Variants in MTUS1 observed in about 807,000 individuals in gnomAD.
The protein encoded by MTUS1 is microtubule-associated tumor suppressor 1.
Under a neutral mutation model 120.8 loss-of-function variants are expected in MTUS1, and 109 were observed. That is an observed-to-expected ratio of 0.90 (90% CI 0.77 to 1.06). MTUS1 has a LOEUF of 1.06. Among genes scored for constraint, MTUS1 ranks in the 50% least tolerant of loss-of-function variants. The pLI is 0.00. For synonymous variants in MTUS1, 737 were observed against 550.5 expected (o/e 1.34, Z -4.74); for missense variants, 2,210 against 1,486.3 (o/e 1.49, Z -8.01).
intron 13 of MTUS1, among the ~76,000 whole-genome samples, chr8:17,647,605 C>A (rs1024875111): frequency 2.6e-5 from 4 of 152,124 alleles, no homozygotes; most frequent in African/African-American, 9.7e-5. Context: ...AGCTTCAATT[C>A]GATAGAGCTC....
At chr8:17,769,508 C>T (rs1356316862) in intron 1 of MTUS1, among the ~76,000 whole-genome samples, 13 of 150,808 alleles carry the variant, frequency 8.6e-5, no homozygotes, top group African/African-American at 3.2e-4. Flanking sequence ...CCACCACGCC[C>T]AGATAATTTT....
chr8:17,747,381 T>C (rs759048001), intron 2 of MTUS1, among the ~76,000 whole-genome samples: 3 of 152,138 alleles, frequency 2.0e-5, no homozygotes, highest in Non-Finnish European at 2.9e-5. Context: ...CCACCACATC[T>C]TGTTCCCCCT....
At chr8:17,792,618 C>A (rs535301313) in intron 1 of MTUS1, among the ~76,000 whole-genome samples, 18 of 152,346 alleles carry the variant, frequency 1.2e-4, no homozygotes, top group Admixed American at 2.6e-4. Context: ...AATCCCAGCA[C>A]TTTGGAAGGA....
At chr8:17,721,250 C>T (rs1385541186) in intron 4 of MTUS1, among the ~76,000 whole-genome samples, 1 of 152,072 alleles carries the variant, frequency 6.6e-6, no homozygotes, top group South Asian at 2.1e-4. Flanking sequence ...AAATTTTCAG[C>T]GCGAGATGAT....
intron 8 of MTUS1, chr8:17,674,650 G>C (rs560132834): frequency 1.3e-3 from 1,243 of 986,762 alleles, no homozygotes; most frequent in Non-Finnish European, 1.4e-3. Flanking sequence ...TTGAGACGTG[G>C]GGCTCCCTGT....
At chr8:17,784,653 A>C (rs1294247591) in intron 1 of MTUS1, among the ~76,000 whole-genome samples, 4 of 152,224 alleles carry the variant, frequency 2.6e-5, no homozygotes, top group South Asian at 2.1e-4. Flanking sequence ...AACTGGCTAC[A>C]AAGAGAGGAA....
chr8:17,741,734 T>C (rs994052090), intron 3 of MTUS1, among the ~76,000 whole-genome samples: 1 of 152,216 alleles, frequency 6.6e-6, no homozygotes, highest in Non-Finnish European at 1.5e-5. Flanking sequence ...TTAGATTTTC[T>C]GGGATTCAAG....
Position 17,756,789 on chromosome 8 carries a change from A to C in MTUS1, c.-154-828T>G, listed in dbSNP as rs183182301. On this transcript the variant is annotated intron_variant, in intron 1 of 14. Transcript: ENST00000693296. ...AGAGCTGGTGCCCTTAGAAGAAGGG[A>C]AAGTGACACCAGAATGCTCTCCCAC... 1.4e-3 allele frequency among the ~76,000 whole-genome samples: 216 copies of C among 152,042 alleles called. 1 individual carries two copies. Among genetic ancestry groups the C allele is most frequent in the African/African-American group, 4.8e-3 (197 of 41,454 alleles).
At position 17,675,251 on chromosome 8, in the gene MTUS1, C is replaced by G. The variant is rs747746433; in HGVS notation, c.2840G>C (p.Arg947Pro). ...TTTGTGTTGTTTCAGTGCTTCCTCC[C>G]GCTGCGGAAAACACACATCAAGTTA... ...TVVIQHLLSE[R>P]EEALKQHKTL... Residue 947 changes from arginine to proline, a missense_variant and splice_region_variant, in exon 8 of 15, where the codon CGG becomes CCG. Physicochemically the swap from Arg to Pro is moderately radical, Grantham distance 103. Coordinates refer to ENST00000693296, the MANE Select transcript of MTUS1 (RefSeq NM_001363059.2). 1 of 1,614,020 alleles carries G rather than the reference C, an allele frequency of 6.2e-7. No individual in the cohort carries two copies. The highest frequency in any genetic ancestry group is 1.1e-5 in the South Asian group (1 of 91,032).
intron 6 of MTUS1, among the ~76,000 whole-genome samples, chr8:17,689,271 A>C (rs542494240): frequency 1.2e-4 from 18 of 152,276 alleles, no homozygotes; most frequent in African/African-American, 4.3e-4. Flanking sequence ...TTGTAGGGGG[A>C]GGGAGGAGGA....
intron 6 of MTUS1, chr8:17,692,000 T>C (rs1563211591): frequency 6.6e-6 from 1 of 152,236 alleles, no homozygotes; most frequent in Admixed American, 6.5e-5. Context: ...GAAAGTTTAA[T>C]GGAACCATTA....
chr8:17,691,863 A>G (rs1467527240), intron 6 of MTUS1: 3 of 152,216 alleles, frequency 2.0e-5, no homozygotes, highest in Non-Finnish European at 4.4e-5. Context: ...CGCTAATAAC[A>G]TATTAAGCAT....
At chr8:17,717,175 G>A (rs1822503409) in intron 4 of MTUS1, among the ~76,000 whole-genome samples, 1 of 152,136 alleles carries the variant, frequency 6.6e-6, no homozygotes, top group Non-Finnish European at 1.5e-5. Context: ...TTGTTCTCGT[G>A]CCCAAATAAC....
intron 7 of MTUS1, among the ~76,000 whole-genome samples, chr8:17,675,480 T>A (rs1040343824): frequency 6.6e-6 from 1 of 152,352 alleles, no homozygotes; most frequent in African/African-American, 2.4e-5. Flanking sequence ...AACTTTGGTT[T>A]GACGCAGTGA....
intron 8 of MTUS1, among the ~76,000 whole-genome samples, chr8:17,673,477 A>G (rs1374031297): frequency 6.6e-6 from 1 of 152,164 alleles, no homozygotes; most frequent in Non-Finnish European, 1.5e-5. Flanking sequence ...TCTTTTACAG[A>G]GTCTTGCTCT....
At chr8:17,766,168 G>C (rs1287213490) in intron 1 of MTUS1, among the ~76,000 whole-genome samples, 4 of 152,144 alleles carry the variant, frequency 2.6e-5, no homozygotes, top group South Asian at 2.1e-4. Flanking sequence ...AGCTGTCAAA[G>C]ATCATAAAAC....
intron 7 of MTUS1, among the ~76,000 whole-genome samples, chr8:17,679,511 A>T (rs1020052590): frequency 1.5e-3 from 63 of 42,314 alleles, no homozygotes; most frequent in African/African-American, 3.0e-3. Context: ...TTATTTATTT[A>T]TTTATTTTTT....
intron 8 of MTUS1, among the ~76,000 whole-genome samples, chr8:17,667,149 G>T (rs1585531767): frequency 6.6e-6 from 1 of 152,294 alleles, no homozygotes; most frequent in South Asian, 2.1e-4. Flanking sequence ...AAAGAACATG[G>T]CCTTTTACTT....
chr8:17,699,109 A>G (rs1170809565), intron 6 of MTUS1, among the ~76,000 whole-genome samples: 2 of 152,228 alleles, frequency 1.3e-5, no homozygotes, highest in African/African-American at 4.8e-5. Context: ...TGCCATGATT[A>G]AAAACAGACA....
Sources: allele counts gnomAD v4.1 joint callset (sites outside exome capture counted in the v4.1 genomes callset), GRCh38; gene constraint gnomAD v4.1.1; transcripts MANE v1.5; gene names NCBI Gene and HGNC (gene_info 2026-07-23, HGNC 2026-07-21).